Variants in TOP3B observed in about 807,000 individuals in gnomAD.
The protein encoded by TOP3B is DNA topoisomerase 3-beta-1.
A neutral mutation model predicts 93.9 loss-of-function variants in TOP3B; 45 were observed. The observed-to-expected ratio is 0.48, with a 90% CI of 0.38 to 0.61. The LOEUF is 0.61. TOP3B is among the 20% of genes least tolerant of loss of function. The pLI is 0.00. For synonymous variants in TOP3B, 357 were observed against 472.6 expected (o/e 0.76, Z 3.17); for missense variants, 750 against 1,156.1 (o/e 0.65, Z 5.09).
intron 13 of TOP3B, chr22:21,962,119 A>G (rs1373893469): frequency 4.6e-6 from 6 of 1,311,542 alleles, no homozygotes; most frequent in South Asian, 1.5e-5. Context: ...TATGATTTCT[A>G]TGAGTCACCT....
Position 21,968,867 on chromosome 22 carries a change from G to A in TOP3B, c.582-92C>T, listed in dbSNP as rs1159829124. On this transcript the variant is annotated intron_variant, in intron 6 of 17. Transcript: ENST00000357179. ...AGTCCAGCCCAAGGCCAGGGGTGGT[G>A]CATGAAGGAGGTGGCATCAGGTGGT... 7 of 1,425,256 alleles carry A rather than the reference G, an allele frequency of 4.9e-6. No homozygotes were observed. The Admixed American group carries it at 8.7e-5, about 18-fold the overall frequency. The allele number at this position is 1,425,256 out of a possible 1,614,324, so 88.3% of individuals were successfully genotyped here.
At position 21,958,184 on chromosome 22, in the gene TOP3B, G is replaced by A. The variant is rs569920083; in HGVS notation, c.2107+308C>T. 4.6e-5 allele frequency: 59 copies of A among 1,283,014 alleles called. 1 individual carries two copies. In the African/African-American group the frequency reaches 5.3e-4, roughly 11 times the overall value. 79.5% of individuals were successfully genotyped at this position (1,283,014 alleles called of 1,614,324 possible). On this transcript the variant is annotated intron_variant, in intron 17 of 17. Transcript: ENST00000357179. Reference sequence around the variant, plus strand: ...CGCTGACTGGGGGTGCCCGCTCACCGGGTGGGTCCCCCGACTGCTGCATCC... The same window carrying A: ...CGCTGACTGGGGGTGCCCGCTCACCAGGTGGGTCCCCCGACTGCTGCATCC...
chr22:21,974,464 A>G lies in TOP3B; in HGVS notation c.95T>C (p.Leu32Pro). The G allele has an allele frequency of 6.2e-7, 1 of 1,612,694 alleles. No individual in the cohort carries two copies. Among genetic ancestry groups the G allele is most frequent in the Non-Finnish European group, 8.5e-7 (1 of 1,179,220 alleles). The change falls in exon 3 of 18, where the codon CTG becomes CCG. Residue 32 changes from leucine to proline, a missense_variant. Physicochemically the swap from Leu to Pro is moderately conservative, Grantham distance 98 (BLOSUM62 -3). This residue lies in a region of TOP3B where 737 missense variants were observed against 933.7 expected (regional missense o/e 0.79). Coordinates refer to ENST00000357179, the MANE Select transcript of TOP3B (RefSeq NM_001282112.2). ...CTCGTGGACTGAGCAGGCCCCGTTCAGCCCTTTGTGTGAGGACAGGCTCCC... is the reference window on the plus strand; with the variant it reads ...CTCGTGGACTGAGCAGGCCCCGTTCGGCCCTTTGTGTGAGGACAGGCTCCC... ...SRGSLSSHKGLNGACSVHEYT... is the reference protein window; with the variant it reads ...SRGSLSSHKGPNGACSVHEYT...
chr22:21,959,430 T>C lies in TOP3B; in HGVS notation c.1804+157A>G. 4.7e-6 allele frequency: 7 copies of C among 1,496,376 alleles called. 1 individual carries two copies. The highest frequency in any genetic ancestry group is 6.2e-6 in the Non-Finnish European group (7 of 1,128,106). The allele number at this position is 1,496,376 out of a possible 1,614,324, so 92.7% of individuals were successfully genotyped here. ...ATGTGTGGTGTTAATGCACCTGCTC[T>C]TTCAACCCAGCCAGGAGGTGTCACT... On this transcript the variant is annotated intron_variant, in intron 15 of 17. Coordinates refer to ENST00000357179, the MANE Select transcript of TOP3B (RefSeq NM_001282112.2).
In TOP3B at chr22:21,971,197, T is replaced by C. The variant is rs1054074083; in HGVS notation, c.384+680A>G. The C allele has an allele frequency of 4.3e-6, 2 of 461,650 alleles. No individual in the cohort carries two copies. Among genetic ancestry groups the C allele is most frequent in the African/African-American group, 4.2e-5 (2 of 48,020 alleles). 28.6% of individuals were successfully genotyped at this position (461,650 alleles called of 1,614,324 possible). On this transcript the variant is annotated intron_variant, in intron 5 of 17. Coordinates refer to ENST00000357179, the MANE Select transcript of TOP3B (RefSeq NM_001282112.2). This position sits in a 1 kb window ranked among gnomAD's most constrained non-coding sequence, Gnocchi z 4.6. ...GTGTGATCGCATTTGCTGAGGGTGC[T>C]GTACTGCAACGCCAGGTGCCTCAGC...
chr22:21,963,811 G>A lies in TOP3B; in HGVS notation c.1204+112C>T. The stretch of plus-strand genomic sequence containing the variant: ...GTGGCCCCCCATCCCCACAGCCAGG[G>A]CAGGCAGAGGCTGAAGGAGCCCCCA... On this transcript the variant is annotated intron_variant, in intron 11 of 17. Transcript: ENST00000357179. This position sits in a 1 kb window ranked among gnomAD's most constrained non-coding sequence, Gnocchi z 4.8. 1 of 1,110,946 alleles carries A rather than the reference G, an allele frequency of 9.0e-7. No homozygotes were observed. Among genetic ancestry groups the A allele is most frequent in the Non-Finnish European group, 1.3e-6 (1 of 760,558 alleles). 68.8% of individuals were successfully genotyped at this position (1,110,946 alleles called of 1,614,324 possible). A position where few individuals can be genotyped will look rare whatever the true frequency, so the allele number is the denominator to read the frequency against.
At chr22:21,964,064 G>C (rs1295709571) in intron 10 of TOP3B, 36 bp from the exon 11 acceptor site, 1 of 1,600,722 alleles carries the variant, frequency 6.2e-7, no homozygotes, top group African/African-American at 1.3e-5. Flanking sequence ...TCTGTGGCTG[G>C]GCTCGGCTGC....
intron 2 of TOP3B, chr22:21,974,770 TTA>T (rs778326262): frequency 7.2e-6 from 2 of 276,622 alleles, no homozygotes; most frequent in Non-Finnish European, 1.4e-5. Context: ...TTCTCTGTAT[TTA>T]TGTTTTCACT....
At chr22:21,972,481 C>T (rs1277444066) in intron 4 of TOP3B, 131 bp downstream of exon 4, 2 of 671,470 alleles carry the variant, frequency 3.0e-6, no homozygotes, top group Non-Finnish European at 2.4e-6. Context: ...GCAGGGGGCA[C>T]TCACAGAAAA....
Position 21,962,503 on chromosome 22 carries a change from A to G in TOP3B, c.1451T>C (p.Leu484Pro), listed in dbSNP as rs774066842. The G allele has an allele frequency of 2.5e-6, 4 of 1,613,706 alleles. 1 individual carries two copies. In the South Asian group the frequency reaches 4.4e-5, roughly 18 times the overall value. ...GTCGGGTGGGTTCGTCTGCTTCTCC[A>G]GCATCTTCACCTCGCCCACAGGGAA... ...DAFPVGEVKM[L>P]EKQTNPPDYL... Residue 484 changes from leucine (L) to proline (P), a missense_variant, in exon 13 of 18, where the codon CTG becomes CCG. Leu to Pro is a moderately conservative substitution (Grantham distance 98). Around this residue, in one of 4 missense-constraint regions of TOP3B, gnomAD observed 737 missense variants for 933.7 expected, o/e 0.79. Coordinates refer to ENST00000357179, the MANE Select transcript of TOP3B (RefSeq NM_001282112.2).
At position 21,971,093 on chromosome 22, in the gene TOP3B, A is replaced by C. The variant is rs1435422031; in HGVS notation, c.385-687T>G. On this transcript the variant is annotated intron_variant, in intron 5 of 17. Coordinates refer to ENST00000357179, the MANE Select transcript of TOP3B (RefSeq NM_001282112.2). This position sits in a 1 kb window ranked among gnomAD's most constrained non-coding sequence, Gnocchi z 4.6. Reference sequence around the variant, plus strand: ...GGAGAAAGCCCCATGAGCTGCCCCCATTCTCCATTCCCAGATGCAAAGGCC... The same window carrying C: ...GGAGAAAGCCCCATGAGCTGCCCCCCTTCTCCATTCCCAGATGCAAAGGCC... The C allele has an allele frequency of 9.3e-6, 12 of 1,293,788 alleles. No individual in the cohort carries two copies. Among genetic ancestry groups the C allele is most frequent in the Non-Finnish European group, 1.2e-5 (12 of 980,790 alleles). 80.1% of individuals were successfully genotyped at this position (1,293,788 alleles called of 1,614,324 possible). A position where few individuals can be genotyped will look rare whatever the true frequency, so the allele number is the denominator to read the frequency against.
At chr22:21,962,690 A>G in intron 12 of TOP3B, 57 bp downstream of exon 12, 1 of 1,609,996 alleles carries the variant, frequency 6.2e-7, no homozygotes, top group Non-Finnish European at 8.5e-7. Context: ...GACACGATGT[A>G]GAATGTTTGT....
chr22:21,960,748 T>C (rs1435743010), intron 13 of TOP3B: 5 of 373,764 alleles, frequency 1.3e-5, no homozygotes, highest in African/African-American at 1.0e-4. Flanking sequence ...CAGTGCTTAT[T>C]CTGCGCCTGG....
At chr22:21,960,611 G>GGGGA in intron 13 of TOP3B, 162 bp from the exon 14 acceptor site, 1 of 904,470 alleles carries the variant, frequency 1.1e-6, no homozygotes, top group Non-Finnish European at 1.7e-6. Context: ...CACTGTGCTG[G>GGGGA]GCACCAACTG....
chr22:21,962,472 C>G lies in TOP3B; in HGVS notation c.1482G>C (p.Leu494=). ...TGAGCGTGATGAGCTCGGCCTCCGT[C>G]AGGTAGTCGGGTGGGTTCGTCTGCT... ...LEKQTNPPDY[L]TEAELITLME... The change falls in exon 13 of 18, where the codon CTG becomes CTC. Residue 494 remains leucine, a synonymous_variant. Transcript: ENST00000357179. 2 of 1,613,768 alleles carry G rather than the reference C, an allele frequency of 1.2e-6. No homozygotes were observed. Among genetic ancestry groups the G allele is most frequent in the Non-Finnish European group, 1.7e-6 (2 of 1,180,032 alleles).
At chr22:21,979,273 A>C (rs1277622041) in intron 1 of TOP3B, among the ~76,000 whole-genome samples, 39 of 152,068 alleles carry the variant, frequency 2.6e-4, no homozygotes, top group Non-Finnish European at 1.3e-4. Context: ...TGTGGGGTCC[A>C]GGAAGTGAGG....
At chr22:21,966,767 T>C (rs1216110942) in intron 8 of TOP3B, 1 of 152,422 alleles carries the variant, frequency 6.6e-6, no homozygotes, top group South Asian at 2.1e-4. Flanking sequence ...GCCTTCTGCA[T>C]TCCAGACAGA....
At position 21,958,556 on chromosome 22, in the gene TOP3B, C is replaced by T. The variant is rs1291644137; in HGVS notation, c.2043G>A (p.Arg681=). The change falls in exon 17 of 18, where the codon CGG becomes CGA. Residue 681 remains arginine (R), a synonymous_variant. Transcript: ENST00000357179. ...FELVLWSSGS[R]GKSYPLCPYC... ...AGGGGCACAGCGGGTAGCTCTTGCC[C>T]CGAGAGCCTGATGACCACAGGACCA... 9 of 1,614,068 alleles carry T rather than the reference C, an allele frequency of 5.6e-6. No homozygotes were observed. The highest frequency in any genetic ancestry group is 6.8e-6 in the Non-Finnish European group (8 of 1,180,032).
At chr22:21,969,111 A>C in intron 6 of TOP3B, 1 of 207,610 alleles carries the variant, frequency 4.8e-6, no homozygotes, top group African/African-American at 2.3e-5. Flanking sequence ...GATCTCTGTC[A>C]GCTAAATAAA....
Sources: allele counts gnomAD v4.1 joint callset (sites outside exome capture counted in the v4.1 genomes callset), GRCh38; gene constraint gnomAD v4.1.1; regional missense constraint gnomAD v4.1.1; non-coding constraint Gnocchi (gnomAD v3.1); transcripts MANE v1.5; gene names NCBI Gene and HGNC (gene_info 2026-07-23, HGNC 2026-07-21).